Variants in RIMBP2 observed in about 807,000 individuals in gnomAD.
RIMBP2 encodes RIMS binding protein 2.
RIMBP2 carries 48 observed loss-of-function variants against 118.6 expected under a neutral mutation model. That is an observed-to-expected ratio of 0.40 (90% CI 0.32 to 0.51). RIMBP2 has a LOEUF of 0.51. RIMBP2 is among the 20% of genes least tolerant of loss of function. The pLI is 0.41. For missense variants in RIMBP2, 1,551 were observed against 1,768.3 expected, an observed-to-expected ratio of 0.88 and a Z score of 2.20; for synonymous variants, 762 against 742.9, an observed-to-expected ratio of 1.03 and a Z score of -0.42.
Position 130,473,528 on chromosome 12 carries a change from C to T in RIMBP2, c.103-2785G>A, listed in dbSNP as rs372847599. Among the ~76,000 whole-genome samples the T allele has an allele frequency of 3.3e-5, 5 of 152,306 alleles. No homozygotes were observed. The East Asian group carries it at 5.8e-4, about 18-fold the overall frequency. Reference sequence around the variant, plus strand: ...TTGGATGGGGCACAGAGCAATAGGCCGTCCAGGCCCCCGGCGACTGTGACG... The same window carrying T: ...TTGGATGGGGCACAGAGCAATAGGCTGTCCAGGCCCCCGGCGACTGTGACG... On this transcript the variant is annotated intron_variant, in intron 5 of 22. Transcript: ENST00000690449.
intron 2 of RIMBP2, among the ~76,000 whole-genome samples, chr12:130,532,593 A>G (rs1386053687): frequency 6.9e-6 from 1 of 145,332 alleles, no homozygotes; most frequent in African/African-American, 2.6e-5. Context: ...AGCCTCTAGG[A>G]GTTACGTCTA....
chr12:130,611,316 T>A (rs955228158), intron 2 of RIMBP2, among the ~76,000 whole-genome samples: 21 of 152,212 alleles, frequency 1.4e-4, no homozygotes, highest in African/African-American at 4.6e-4. Flanking sequence ...AGGAGCCGCC[T>A]TCTCCTCCCT....
rs564961239 is a variant in RIMBP2 at position 130,462,504 on chromosome 12, A to G, written c.154-5804T>C. 5.3e-4 allele frequency among the ~76,000 whole-genome samples: 81 copies of G among 152,244 alleles called. 1 individual carries two copies. The highest frequency in any genetic ancestry group is 1.9e-3 in the African/African-American group (80 of 41,530). ...TGGGAGAAACGGGCATTCGTTGGTT[A>G]AAGTGAAGATATGTCACCCAGCTCA... On this transcript the variant is annotated intron_variant, in intron 6 of 22. Coordinates refer to ENST00000690449, the MANE Select transcript of RIMBP2 (RefSeq NM_001393629.1).
At chr12:130,658,903 A>C (rs1243061834) in intron 1 of RIMBP2, 2 of 152,322 alleles carry the variant, frequency 1.3e-5, no homozygotes, top group African/African-American at 4.8e-5. Flanking sequence ...CTCGGCTCTA[A>C]ACCATGCTCT....
chr12:130,414,392 A>G (rs929705934), intron 17 of RIMBP2, 86 bp from the exon 18 acceptor site: 3 of 1,348,588 alleles, frequency 2.2e-6, no homozygotes, highest in African/African-American at 1.5e-5. Flanking sequence ...GAAAGCAGTG[A>G]GGATGGCAGC....
At chr12:130,458,588 T>A (rs1036971822) in intron 6 of RIMBP2, among the ~76,000 whole-genome samples, 1 of 152,172 alleles carries the variant, frequency 6.6e-6, no homozygotes, top group Non-Finnish European at 1.5e-5. Flanking sequence ...TGAGCTCAAC[T>A]GTGTGAGCCA....
At chr12:130,686,036 C>A (rs1202703301) in intron 1 of RIMBP2, among the ~76,000 whole-genome samples, 1 of 152,192 alleles carries the variant, frequency 6.6e-6, no homozygotes, top group Non-Finnish European at 1.5e-5. Flanking sequence ...CGGTCCTTGC[C>A]ACCGTGGCCC....
chr12:130,439,819 G>GTC (rs2077946771), intron 11 of RIMBP2, among the ~76,000 whole-genome samples: 1 of 103,184 alleles, frequency 9.7e-6, no homozygotes, highest in Non-Finnish European at 1.9e-5. Context: ...CTGTGGGGGT[G>GTC]TCTGTGTGTG....
intron 4 of RIMBP2, among the ~76,000 whole-genome samples, chr12:130,495,701 A>G (rs1242503030): frequency 1.3e-5 from 2 of 152,178 alleles, no homozygotes; most frequent in Non-Finnish European, 2.9e-5. Context: ...GAGGGTGTAT[A>G]TCAATGAAAT....
chr12:130,472,231 T>A (rs1400615161), intron 5 of RIMBP2: 1 of 152,244 alleles, frequency 6.6e-6, no homozygotes, highest in East Asian at 1.9e-4. Flanking sequence ...AATTTCCTGT[T>A]TGGGTTTTCT....
chr12:130,551,891 T>C (rs1445585007), intron 2 of RIMBP2, among the ~76,000 whole-genome samples: 2 of 152,236 alleles, frequency 1.3e-5, no homozygotes, highest in Non-Finnish European at 2.9e-5. Context: ...CCATGTAGTC[T>C]TGCAGTTTCA....
chr12:130,428,381 G>A (rs201332651), intron 14 of RIMBP2, 44 bp from the exon 15 acceptor site: 142 of 1,568,926 alleles, frequency 9.1e-5, no homozygotes, highest in Middle Eastern at 8.5e-4. Flanking sequence ...GGCTCCTCCC[G>A]CATCCTACAA....
chr12:130,502,995 T>C (rs1480616895), intron 4 of RIMBP2, among the ~76,000 whole-genome samples: 3 of 152,142 alleles, frequency 2.0e-5, no homozygotes, highest in African/African-American at 7.2e-5. Context: ...ACCACCCCAC[T>C]TGGTTCAGAC....
chr12:130,442,016 A>C lies in RIMBP2; in HGVS notation c.1336T>G (p.Phe446Val). ...TACCTGGCGGCCTTGACGATGTCGA[A>C]CTCCTCCTCGTTGAGGAAGATGACG... is the stretch of plus-strand genomic sequence containing the variant. ...SHVIFLNEEEFDIVKAARYKY... is the reference protein window; with the variant it reads ...SHVIFLNEEEVDIVKAARYKY... The change falls in exon 11 of 23, where the codon TTC becomes GTC. Residue 446 changes from phenylalanine to valine, a missense_variant. Physicochemically the swap from Phe to Val is conservative, Grantham distance 50. Coordinates refer to ENST00000690449, the MANE Select transcript of RIMBP2 (RefSeq NM_001393629.1). This position sits in a 1 kb window ranked among gnomAD's most constrained non-coding sequence, Gnocchi z 6.9. 1 of 1,614,070 alleles carries C rather than the reference A, an allele frequency of 6.2e-7. No homozygotes were observed. Among genetic ancestry groups the C allele is most frequent in the Non-Finnish European group, 8.5e-7 (1 of 1,180,018 alleles).
chr12:130,611,422 C>T (rs2060540655), intron 2 of RIMBP2, among the ~76,000 whole-genome samples: 1 of 152,222 alleles, frequency 6.6e-6, no homozygotes. Flanking sequence ...GTCTTCCACT[C>T]CCGCAGAAGC....
At chr12:130,421,144 G>A (rs560505625) in intron 17 of RIMBP2, 11 of 152,282 alleles carry the variant, frequency 7.2e-5, no homozygotes, top group Non-Finnish European at 1.3e-4. Flanking sequence ...CAGGAGAACC[G>A]ATTTATTAAG....
Position 130,664,395 on chromosome 12 carries a change from ACACGCACG to A in RIMBP2, c.-351-35947_-351-35940del, listed in dbSNP as rs1335398063. On this transcript the variant is annotated intron_variant, in intron 1 of 22. Transcript: ENST00000690449. ...TGCATGCACGCACGCGCATGCACACACACGCACGCACGCACGCACACACACGCACACAC... is the reference window on the plus strand; with the variant it reads ...TGCATGCACGCACGCGCATGCACACACACGCACGCACACACACGCACACAC... Among the ~76,000 whole-genome samples, 27 of 128,614 alleles carry A rather than the reference ACACGCACG, an allele frequency of 2.1e-4. 2 individuals carry two copies. Among genetic ancestry groups the A allele is most frequent in the Middle Eastern group, 4.0e-3 (1 of 250 alleles). The allele number at this position is 128,614 out of a possible 152,430, so 84.4% of individuals were successfully genotyped here.
intron 2 of RIMBP2, among the ~76,000 whole-genome samples, chr12:130,544,487 TC>T (rs2054915489): frequency 1.3e-5 from 2 of 152,214 alleles, no homozygotes; most frequent in Non-Finnish European, 2.9e-5. Context: ...TCTCCCTGCT[TC>T]TCACTCCTTT....
Position 130,397,375 on chromosome 12 carries a change from C to T in RIMBP2, c.4075G>A (p.Gly1359Ser). The T allele has an allele frequency of 2.5e-6, 1 of 398,906 alleles. No homozygotes were observed. The allele number at this position is 398,906 out of a possible 1,614,324, so 24.7% of individuals were successfully genotyped here. A position where few individuals can be genotyped will look rare whatever the true frequency, so the allele number is the denominator to read the frequency against. Reference protein sequence around the residue: ...SKGKKLLKKLGAVK With the variant: ...SKGKKLLKKLSAVK ...AAGCACATGAATCATTTCACTGCAC[C>T]CAGCTTTTTCAGCAGTTTCTTGCCT... The change falls in exon 23 of 23, where the codon GGT becomes AGT. Residue 1359 changes from glycine to serine, a missense_variant. Physicochemically the swap from Gly to Ser is moderately conservative, Grantham distance 56. This residue lies in a region of RIMBP2 where 1,038 missense variants were observed against 1,125.1 expected (regional missense o/e 0.92). Transcript: ENST00000690449.
Sources: gnomAD v4.1 joint callset for allele counts (sites outside exome capture counted in the v4.1 genomes callset) on GRCh38, gnomAD v4.1.1 for gene constraint, gnomAD v4.1.1 regional missense constraint, Gnocchi (gnomAD v3.1) non-coding constraint, MANE v1.5 for transcripts, NCBI Gene and HGNC (gene_info 2026-07-23, HGNC 2026-07-21) for gene names.